The following DOK6 variants were observed in gnomAD, a reference collection of about 807,000 sequenced individuals.
DOK6 encodes docking protein 6.
A neutral mutation model predicts 44.0 loss-of-function variants in DOK6; 22 were observed. The ratio of observed to expected loss-of-function variants is 0.50; its 90% CI spans 0.36 to 0.71. DOK6 has a LOEUF of 0.71. Ranked by LOEUF, DOK6 falls within the 30% of genes least tolerant of loss-of-function variation. DOK6 has a pLI of 0.00. For synonymous variants in DOK6, 166 were observed against 145.5 expected (o/e 1.14, Z -1.01); for missense variants, 340 against 416.4 (o/e 0.82, Z 1.60).
intron 4 of DOK6, among the ~76,000 whole-genome samples, chr18:69,698,183 C>T (rs1052224734): frequency 3.9e-5 from 6 of 152,130 alleles, no homozygotes; most frequent in African/African-American, 1.4e-4. Flanking sequence ...AATGAAAAGT[C>T]GTTGAGTGAA....
At chr18:69,837,014 G>T (rs894907771) in intron 7 of DOK6, among the ~76,000 whole-genome samples, 2 of 152,026 alleles carry the variant, frequency 1.3e-5, no homozygotes, top group African/African-American at 4.8e-5. Flanking sequence ...GTAAAGAAAC[G>T]GTTGCAGTAA....
chr18:69,764,551 A>C (rs575048340), intron 7 of DOK6, among the ~76,000 whole-genome samples: 1 of 152,116 alleles, frequency 6.6e-6, no homozygotes, highest in Non-Finnish European at 1.5e-5. Context: ...CTCTCCTGCC[A>C]CCACGTGAAG....
intron 4 of DOK6, among the ~76,000 whole-genome samples, chr18:69,685,706 G>A (rs1292473721): frequency 6.6e-6 from 1 of 151,970 alleles, no homozygotes; most frequent in Admixed American, 6.6e-5. Flanking sequence ...ATTATAATTG[G>A]CTTAAAAAAA....
intron 3 of DOK6, among the ~76,000 whole-genome samples, chr18:69,605,211 A>C (rs1028732830): frequency 1.3e-5 from 2 of 152,002 alleles, no homozygotes; most frequent in Non-Finnish European, 2.9e-5. Flanking sequence ...CAAAATGATA[A>C]AAAGTAACAG....
chr18:69,457,097 T>A (rs1240120022), intron 1 of DOK6, among the ~76,000 whole-genome samples: 2 of 152,236 alleles, frequency 1.3e-5, no homozygotes, highest in Non-Finnish European at 2.9e-5. Flanking sequence ...ATTCTGTAGA[T>A]TATCTATTTA....
chr18:69,697,684 A>G (rs1986419770), intron 4 of DOK6, among the ~76,000 whole-genome samples: 1 of 150,960 alleles, frequency 6.6e-6, no homozygotes, highest in Admixed American at 6.6e-5. Context: ...TAACTTTGCA[A>G]TAGCCTTTAA....
Position 69,609,779 on chromosome 18 carries a change from T to A in DOK6, c.289+10281T>A, listed in dbSNP as rs936780615. 1.3e-5 allele frequency among the ~76,000 whole-genome samples: 2 copies of A among 152,182 alleles called. 1 individual carries two copies. Among genetic ancestry groups the A allele is most frequent in the South Asian group, 4.1e-4 (2 of 4,824 alleles). Reference sequence around the variant, plus strand: ...CCAAGATATGGAAACAACCTGAATGTTGATCAGCTGATGAATGGATTAAGA... The same window carrying A: ...CCAAGATATGGAAACAACCTGAATGATGATCAGCTGATGAATGGATTAAGA... On this transcript the variant is annotated intron_variant, in intron 3 of 7. Coordinates refer to ENST00000382713, the MANE Select transcript of DOK6 (RefSeq NM_152721.6).
intron 3 of DOK6, among the ~76,000 whole-genome samples, chr18:69,611,584 A>C (rs935335073): frequency 6.6e-6 from 1 of 152,108 alleles, no homozygotes; most frequent in Non-Finnish European, 1.5e-5. Flanking sequence ...AAGAACTCAG[A>C]TGTCCTTCAA....
At chr18:69,642,216 C>G (rs28592600) in intron 3 of DOK6, among the ~76,000 whole-genome samples, 7,665 of 152,246 alleles carry the variant, frequency 0.05, 233 homozygotes, top group Middle Eastern at 0.095. Flanking sequence ...ATTAAAAAAC[C>G]TTCACTTACA....
At chr18:69,662,355 T>C (rs1985550992) in intron 3 of DOK6, 2 of 152,246 alleles carry the variant, frequency 1.3e-5, no homozygotes, top group African/African-American at 2.4e-5. Flanking sequence ...CTTTCACACT[T>C]TACTCAGGAT....
At chr18:69,437,778 T>C (rs1979024293) in intron 1 of DOK6, among the ~76,000 whole-genome samples, 1 of 152,190 alleles carries the variant, frequency 6.6e-6, no homozygotes, top group Admixed American at 6.5e-5. Context: ...GGAAATATTG[T>C]TCATTCAGGC....
chr18:69,560,415 CT>C (rs67336445), intron 1 of DOK6, among the ~76,000 whole-genome samples: 32,117 of 151,760 alleles, frequency 0.21, 3,621 homozygotes, highest in Middle Eastern at 0.36. Flanking sequence ...TTTTTCTTTT[CT>C]TTTCAGTCAT....
At chr18:69,542,800 T>C (rs1337694551) in intron 1 of DOK6, among the ~76,000 whole-genome samples, 2 of 151,616 alleles carry the variant, frequency 1.3e-5, no homozygotes, top group Non-Finnish European at 1.5e-5. Flanking sequence ...CTTTCATGAC[T>C]CGTTCATGCA....
intron 1 of DOK6, among the ~76,000 whole-genome samples, chr18:69,561,036 T>C (rs1012716256): frequency 2.0e-5 from 3 of 152,206 alleles, no homozygotes; most frequent in African/African-American, 7.2e-5. Context: ...AGGAAAAAAG[T>C]GTCCCTTCAT....
At chr18:69,655,761 C>CAAAAAAAA (rs74175379) in intron 3 of DOK6, among the ~76,000 whole-genome samples, 36 of 43,142 alleles carry the variant, frequency 8.3e-4, no homozygotes, top group African/African-American at 2.6e-3. Flanking sequence ...CCCCACCCCT[C>CAAAAAAAA]AAAAAAAAAA....
At chr18:69,720,312 G>A (rs1986979400) in intron 5 of DOK6, among the ~76,000 whole-genome samples, 1 of 152,098 alleles carries the variant, frequency 6.6e-6, no homozygotes, top group Non-Finnish European at 1.5e-5. Context: ...AAATTTGCTA[G>A]GCAATAAAAT....
chr18:69,832,855 A>T (rs1319061325), intron 7 of DOK6: 2 of 152,160 alleles, frequency 1.3e-5, no homozygotes, highest in African/African-American at 2.4e-5. Flanking sequence ...AAATTTAACC[A>T]GAGAAGTGAA....
At chr18:69,765,504 A>C (rs1269829364) in intron 7 of DOK6, among the ~76,000 whole-genome samples, 1 of 152,212 alleles carries the variant, frequency 6.6e-6, no homozygotes, top group Non-Finnish European at 1.5e-5. Flanking sequence ...CCACTGTGAA[A>C]TGATCCTCAC....
At chr18:69,719,489 A>C (rs1158960487) in intron 5 of DOK6, among the ~76,000 whole-genome samples, 1 of 152,238 alleles carries the variant, frequency 6.6e-6, no homozygotes, top group Admixed American at 6.5e-5. Context: ...CTTTGGCTAC[A>C]TGACTCCTGA....
Sources: allele counts gnomAD v4.1 joint callset (sites outside exome capture counted in the v4.1 genomes callset), GRCh38; gene constraint gnomAD v4.1.1; transcripts MANE v1.5; gene names NCBI Gene and HGNC (gene_info 2026-07-23, HGNC 2026-07-21).